Variants in NPR3 observed in about 807,000 individuals in gnomAD.
The protein encoded by NPR3 is natriuretic peptide receptor 3.
Under a neutral mutation model 54.5 loss-of-function variants are expected in NPR3, and 34 were observed. That is an observed-to-expected ratio of 0.62 (90% CI 0.47 to 0.83). NPR3 has a LOEUF of 0.83. Among genes scored for constraint, NPR3 ranks in the 40% least tolerant of loss-of-function variants. The pLI, the probability that NPR3 is intolerant of heterozygous loss-of-function variation, is 0.00. For missense variants in NPR3, 674 were observed against 720.8 expected (o/e 0.94, Z 0.74); for synonymous variants, 289 against 297.1 (o/e 0.97, Z 0.28).
At chr5:32,729,040 T>G (rs1219495641) in intron 2 of NPR3, among the ~76,000 whole-genome samples, 18 of 133,466 alleles carry the variant, frequency 1.3e-4, no homozygotes, top group South Asian at 5.1e-4. Context: ...GTTTTGTTTT[T>G]TTTTTTTGAG....
intron 2 of NPR3, among the ~76,000 whole-genome samples, chr5:32,733,253 C>T (rs566876742): frequency 6.6e-6 from 1 of 152,052 alleles, no homozygotes; most frequent in East Asian, 1.9e-4. Context: ...TTGGTGAGCA[C>T]TCAAAAAAAG....
chr5:32,695,560 G>A (rs1387760706), intron 1 of NPR3, among the ~76,000 whole-genome samples: 1 of 152,168 alleles, frequency 6.6e-6, no homozygotes, highest in Non-Finnish European at 1.5e-5. Flanking sequence ...AAGCCACCAC[G>A]CCTGGCCCTC....
intron 2 of NPR3, among the ~76,000 whole-genome samples, chr5:32,732,678 G>A (rs570949000): frequency 6.6e-6 from 1 of 152,258 alleles, no homozygotes; most frequent in East Asian, 1.9e-4. Flanking sequence ...CTATACATCA[G>A]TAGTAAAGGG....
At chr5:32,751,106 T>C (rs985838850) in intron 3 of NPR3, among the ~76,000 whole-genome samples, 1 of 152,124 alleles carries the variant, frequency 6.6e-6, no homozygotes, top group African/African-American at 2.4e-5. Context: ...AAGTAGATTT[T>C]AAAAAATTGA....
intron 3 of NPR3, among the ~76,000 whole-genome samples, chr5:32,755,102 C>T (rs1277854080): frequency 1.3e-5 from 2 of 152,210 alleles, no homozygotes; most frequent in Non-Finnish European, 2.9e-5. Context: ...CCTCGTGATC[C>T]GTCTGCCTCA....
chr5:32,769,345 C>A (rs1418450490), intron 3 of NPR3, among the ~76,000 whole-genome samples: 2 of 152,202 alleles, frequency 1.3e-5, no homozygotes, highest in African/African-American at 4.8e-5. Context: ...CAGACTACTT[C>A]CTTCTGCTAT....
At position 32,784,803 on chromosome 5, in the gene NPR3, C is replaced by A; in HGVS notation, c.1434C>A (p.Gly478=). ...TNSSPCKSSG[G]LEESAVTGIV... ...CCATGCTTCTTTTTCAAGCAGGTGG[C>A]CTAGAAGAATCGGCAGTGACAGGAA... Residue 478 remains glycine (G), a synonymous_variant, in exon 7 of 8, where the codon GGC becomes GGA. Coordinates refer to ENST00000265074, the MANE Select transcript of NPR3 (RefSeq NM_001204375.2). 6.2e-7 allele frequency: 1 copy of A among 1,613,266 alleles called. No homozygotes were observed.
At chr5:32,782,016 A>T (rs1742360032) in intron 5 of NPR3, among the ~76,000 whole-genome samples, 1 of 152,198 alleles carries the variant, frequency 6.6e-6, no homozygotes, top group African/African-American at 2.4e-5. Flanking sequence ...GTGGGAAGGC[A>T]CTTCTAGACT....
upstream of NPR3, among the ~76,000 whole-genome samples, chr5:32,707,820 A>C (rs1453643047): frequency 6.6e-6 from 1 of 152,178 alleles, no homozygotes; most frequent in East Asian, 1.9e-4. Context: ...AGAATTTCTA[A>C]TACACTTCAA....
chr5:32,748,482 T>A (rs1428987478), intron 3 of NPR3, among the ~76,000 whole-genome samples: 1 of 152,208 alleles, frequency 6.6e-6, no homozygotes, highest in Non-Finnish European at 1.5e-5. Flanking sequence ...GTAGTTTTCC[T>A]AAGACTCCAA....
Position 32,782,961 on chromosome 5 carries a change from C to A in NPR3, c.1359C>A (p.Gly453=), listed in dbSNP as rs1282359052. ...EMRPNVKYPW[G]PLKLRIDENR... ...GGCCGAATGTCAAATATCCTTGGGG[C>A]CCTTTAAAACTGAGAATAGATGAAA... Residue 453 remains glycine (G), a synonymous_variant, in exon 6 of 8, where the codon GGC becomes GGA. Coordinates refer to ENST00000265074, the MANE Select transcript of NPR3 (RefSeq NM_001204375.2). 6.2e-7 allele frequency: 1 copy of A among 1,609,518 alleles called. No homozygotes were observed. The highest frequency in any genetic ancestry group is 8.5e-7 in the Non-Finnish European group (1 of 1,177,390).
chr5:32,746,185 T>A (rs1313657476), intron 3 of NPR3, among the ~76,000 whole-genome samples: 1 of 152,240 alleles, frequency 6.6e-6, no homozygotes, highest in Non-Finnish European at 1.5e-5. Flanking sequence ...CACTTTGTTC[T>A]TTAGTAAGAG....
intron 7 of NPR3, among the ~76,000 whole-genome samples, chr5:32,785,550 A>G (rs2112078980): frequency 6.6e-6 from 1 of 152,332 alleles, no homozygotes; most frequent in South Asian, 2.1e-4. Context: ...CCCCCTTCTC[A>G]GGCTTTCTCC....
chr5:32,716,766 G>C (rs1738574728), intron 1 of NPR3: 1 of 153,134 alleles, frequency 6.5e-6, no homozygotes, highest in Non-Finnish European at 1.5e-5. Context: ...AGTTAAAACA[G>C]TCTGTTTTTG....
chr5:32,773,141 C>T (rs1741859115), intron 3 of NPR3, among the ~76,000 whole-genome samples: 1 of 152,188 alleles, frequency 6.6e-6, no homozygotes, highest in South Asian at 2.1e-4. Flanking sequence ...AGGTTTTCCC[C>T]ACTAAGCCAT....
At chr5:32,759,397 G>A (rs1425748135) in intron 3 of NPR3, among the ~76,000 whole-genome samples, 1 of 151,948 alleles carries the variant, frequency 6.6e-6, no homozygotes, top group Non-Finnish European at 1.5e-5. Flanking sequence ...TTGGTTTAAA[G>A]TCTGTTTTAT....
rs1190781469 is a variant in NPR3 at position 32,738,910 on chromosome 5, G to T, written c.939G>T (p.Lys313Asn). 5.0e-6 allele frequency: 8 copies of T among 1,613,936 alleles called. No homozygotes were observed. The highest frequency in any genetic ancestry group is 6.8e-6 in the Non-Finnish European group (8 of 1,179,842). ...KRGDKHDFEAKQAYSSLQTVT... is the reference protein window; with the variant it reads ...KRGDKHDFEANQAYSSLQTVT... ...GAGACAAACACGACTTTGAAGCTAA[G>T]CAAGCATACTCGTCCCTCCAGACAG... Residue 313 changes from lysine (K) to asparagine (N), a missense_variant, in exon 3 of 8, where the codon AAG becomes AAT. Lys to Asn is a moderately conservative substitution (Grantham distance 94). Coordinates refer to ENST00000265074, the MANE Select transcript of NPR3 (RefSeq NM_001204375.2).
chr5:32,780,447 G>A (rs1371547001), intron 4 of NPR3, among the ~76,000 whole-genome samples: 1 of 152,110 alleles, frequency 6.6e-6, no homozygotes, highest in Non-Finnish European at 1.5e-5. Context: ...TTCAGGATTA[G>A]CCTTAATCTT....
upstream of NPR3, among the ~76,000 whole-genome samples, chr5:32,708,505 T>TC (rs1445810749): frequency 6.6e-6 from 1 of 152,194 alleles, no homozygotes; most frequent in Non-Finnish European, 1.5e-5. Flanking sequence ...TTAACTTTGT[T>TC]CCTAACACTT....
Sources: gnomAD v4.1 joint callset for allele counts (sites outside exome capture counted in the v4.1 genomes callset) on GRCh38, gnomAD v4.1.1 for gene constraint, MANE v1.5 for transcripts, NCBI Gene and HGNC (gene_info 2026-07-23, HGNC 2026-07-21) for gene names.